SHANK2: variants seen among roughly 807,000 people sequenced by gnomAD.
SHANK2 encodes SH3 and multiple ankyrin repeat domains protein 2.
In SHANK2, 43 loss-of-function variants were observed where a neutral mutation model predicts 133.7. That is an observed-to-expected ratio of 0.32 (90% CI 0.25 to 0.41). The LOEUF is 0.41. SHANK2 is among the 10% of genes least tolerant of loss of function. SHANK2 has a pLI of 1.00. For synonymous variants in SHANK2, 1,017 were observed against 952.8 expected (o/e 1.07, Z -1.24); for missense variants, 1,994 against 2,235.8 (o/e 0.89, Z 2.18).
rs1554991005 is a variant in SHANK2, at chr11:70,601,211, C to A, written c.2061+58617G>T. Among the ~76,000 whole-genome samples, 3 of 121,926 alleles carry A rather than the reference C, an allele frequency of 2.5e-5. No homozygotes were observed. The East Asian group carries it at 8.2e-4, about 34-fold the overall frequency. The allele number at this position is 121,926 out of a possible 152,430, so 80.0% of individuals were successfully genotyped here. On this transcript the variant is annotated intron_variant, in intron 17 of 25. Transcript: ENST00000601538. ...GGACTATAGGTGCATGCAACCACGCCCAGCTAATTTTTTTTTTTCTTTTTT... is the reference window on the plus strand; with the variant it reads ...GGACTATAGGTGCATGCAACCACGCACAGCTAATTTTTTTTTTTCTTTTTT...
At chr11:71,093,180 C>T (rs968599592) in intron 7 of SHANK2, among the ~76,000 whole-genome samples, 1 of 152,102 alleles carries the variant, frequency 6.6e-6, no homozygotes. Flanking sequence ...GACCCTTCCT[C>T]GGCCTGGTCA....
At position 70,938,754 on chromosome 11, in the gene SHANK2, A is replaced by G. The variant is rs560783424; in HGVS notation, c.1108-42187T>C. Among the ~76,000 whole-genome samples the G allele has an allele frequency of 4.1e-4, 63 of 152,274 alleles. No homozygotes were observed. The Middle Eastern group carries it at 0.017, about 41-fold the overall frequency. ...GGAGAGTTCCAGGCAGAGGAACAGCATATGCAAAATGCCAGAGGTCAGAGT... is the reference window on the plus strand; with the variant it reads ...GGAGAGTTCCAGGCAGAGGAACAGCGTATGCAAAATGCCAGAGGTCAGAGT... On this transcript the variant is annotated intron_variant, in intron 10 of 25. Transcript: ENST00000601538.
intron 14 of SHANK2, among the ~76,000 whole-genome samples, chr11:70,754,088 A>C (rs1430173882): frequency 6.6e-6 from 1 of 152,260 alleles, no homozygotes; most frequent in African/African-American, 2.4e-5. Flanking sequence ...CTGGGATTAC[A>C]GGCGTGAGCC....
At chr11:71,168,643 CG>C (rs1555111634) in intron 2 of SHANK2, among the ~76,000 whole-genome samples, 1 of 152,174 alleles carries the variant, frequency 6.6e-6, no homozygotes, top group Non-Finnish European at 1.5e-5. Flanking sequence ...GCCAACACAG[CG>C]AAACCCTGTC....
intron 15 of SHANK2, among the ~76,000 whole-genome samples, chr11:70,688,819 G>A (rs1319031232): frequency 2.6e-5 from 4 of 152,070 alleles, no homozygotes; most frequent in South Asian, 2.1e-4. Flanking sequence ...GGGACACTGC[G>A]CTCCTGGGAC....
chr11:70,637,417 G>A (rs1565202655), intron 17 of SHANK2, among the ~76,000 whole-genome samples: 2 of 152,178 alleles, frequency 1.3e-5, no homozygotes, highest in East Asian at 1.9e-4. Context: ...GGGGGCAGGT[G>A]GGGCTGGGCT....
rs971288673 is a variant in SHANK2 at position 71,070,328 on chromosome 11, G to A, written c.1029+4831C>T. On this transcript the variant is annotated intron_variant, in intron 9 of 25. Transcript: ENST00000601538. ...ATCCTAGACCACTCGCAGACATTCC[G>A]ACTGACACTGTAGCCAGAGGTCAAG... Among the ~76,000 whole-genome samples the A allele has an allele frequency of 9.8e-5, 15 of 152,292 alleles. No individual in the cohort carries two copies. In the South Asian group the frequency reaches 2.5e-3, roughly 25 times the overall value.
chr11:70,860,286 TG>T (rs1263019051), intron 11 of SHANK2, among the ~76,000 whole-genome samples: 4 of 152,194 alleles, frequency 2.6e-5, no homozygotes. Flanking sequence ...GCTCTGTACT[TG>T]GCACCCCCAG....
At chr11:70,914,717 T>TAAAATAAAATAAAATAAAACAAAAC (rs1489678395) in intron 10 of SHANK2, among the ~76,000 whole-genome samples, 8 of 145,556 alleles carry the variant, frequency 5.5e-5, no homozygotes, top group African/African-American at 2.1e-4. Context: ...TAAAATAAAA[T>TAAAATAAAATAAAATAAAACAAAAC]AAAACAAAAC....
At chr11:71,218,422 C>G (rs897704589) in intron 2 of SHANK2, among the ~76,000 whole-genome samples, 1 of 151,980 alleles carries the variant, frequency 6.6e-6, no homozygotes. Context: ...TGCCACCACG[C>G]CCAGCTAATT....
In SHANK2 at chr11:70,487,375, G is replaced by A. The variant is rs1473498889; in HGVS notation, c.2918C>T (p.Pro973Leu). The change falls in exon 25 of 26, where the codon CCG becomes CTG. Residue 973 changes from proline to leucine, a missense_variant. Transcript: ENST00000601538. This position sits in a 1 kb window ranked among gnomAD's most constrained non-coding sequence, Gnocchi z 5.8. ...SEDLYSRNAG[P>L]QANFRNKRGQ... is the part of the protein sequence containing the mutation. ...TCTCTTGTTGCGGAAGTTGGCTTGC[G>A]GGCCGGCATTCCGACTGTAGAGGTC... The A allele has an allele frequency of 1.9e-6, 3 of 1,613,972 alleles. No homozygotes were observed. Among genetic ancestry groups the A allele is most frequent in the Non-Finnish European group, 2.5e-6 (3 of 1,180,028 alleles).
rs1216573702 is a variant in SHANK2, at chr11:70,884,642, G to A, written c.1174+11859C>T. 3.3e-5 allele frequency among the ~76,000 whole-genome samples: 5 copies of A among 152,294 alleles called. No individual in the cohort carries two copies. The South Asian group carries it at 8.3e-4, about 25-fold the overall frequency. ...CTGGGACAGACCTCTCCCTGCCTACGGTGTCCGGTCCCCCCCACCGAGTGT... is the reference window on the plus strand; with the variant it reads ...CTGGGACAGACCTCTCCCTGCCTACAGTGTCCGGTCCCCCCCACCGAGTGT... On this transcript the variant is annotated intron_variant, in intron 11 of 25. Coordinates refer to ENST00000601538, the MANE Select transcript of SHANK2 (RefSeq NM_012309.5).
intron 9 of SHANK2, among the ~76,000 whole-genome samples, chr11:71,073,136 CT>C (rs1178533659): frequency 1.3e-3 from 91 of 72,306 alleles, no homozygotes; most frequent in Non-Finnish European, 2.2e-3. Flanking sequence ...TGTTTTTTTT[CT>C]TTTTCTTTTC....
chr11:71,220,520 G>A (rs1051772483), intron 2 of SHANK2, among the ~76,000 whole-genome samples: 2 of 152,184 alleles, frequency 1.3e-5, no homozygotes, highest in African/African-American at 4.8e-5. Flanking sequence ...CCAAAAGGTT[G>A]GAGCAACCCA....
intron 10 of SHANK2, among the ~76,000 whole-genome samples, chr11:70,912,112 A>AAAAG (rs1565401416): frequency 3.5e-5 from 4 of 115,088 alleles, no homozygotes; most frequent in African/African-American, 1.1e-4. Context: ...AAAAAAAAAA[A>AAAAG]AAAGAAAGAA....
intron 1 of SHANK2, chr11:71,226,581 T>C (rs1162034544): frequency 2.6e-5 from 4 of 152,100 alleles, no homozygotes; most frequent in African/African-American, 9.7e-5. Flanking sequence ...CATCAGAAAC[T>C]GTGGAGACCA....
chr11:70,535,022 T>C lies in SHANK2; in HGVS notation c.2062-32091A>G, dbSNP rs1591547740. 1.3e-5 allele frequency among the ~76,000 whole-genome samples: 2 copies of C among 152,128 alleles called. No homozygotes were observed. The highest frequency in any genetic ancestry group is 1.3e-4 in the Admixed American group (2 of 15,282). On this transcript the variant is annotated intron_variant, in intron 17 of 25. Coordinates refer to ENST00000601538, the MANE Select transcript of SHANK2 (RefSeq NM_012309.5). This position sits in a 1 kb window ranked among gnomAD's most constrained non-coding sequence, Gnocchi z 4.3. Reference sequence around the variant, plus strand: ...GGCTCCAGGACCCTGGTCAGGGTGGTCCTCAGCTCTCACACTCTGCTTCCC... The same window carrying C: ...GGCTCCAGGACCCTGGTCAGGGTGGCCCTCAGCTCTCACACTCTGCTTCCC...
intron 15 of SHANK2, among the ~76,000 whole-genome samples, chr11:70,672,827 G>A (rs1027097578): frequency 6.6e-5 from 10 of 152,206 alleles, no homozygotes; most frequent in African/African-American, 1.9e-4. Flanking sequence ...GCCAGCCACC[G>A]GTGTTATTTT....
intron 17 of SHANK2, among the ~76,000 whole-genome samples, chr11:70,515,651 A>AC (rs2059255649): frequency 6.6e-6 from 1 of 150,964 alleles, no homozygotes; most frequent in East Asian, 1.9e-4. Context: ...AAAAAAAAAA[A>AC]AAAAAAAAAC....
Sources: gnomAD v4.1 joint callset for allele counts (sites outside exome capture counted in the v4.1 genomes callset) on GRCh38, gnomAD v4.1.1 for gene constraint, Gnocchi (gnomAD v3.1) non-coding constraint, MANE v1.5 for transcripts, NCBI Gene and HGNC (gene_info 2026-07-23, HGNC 2026-07-21) for gene names.